Variants in TBC1D5 observed in about 807,000 individuals in gnomAD.
TBC1D5 encodes TBC1 domain family, member 5.
TBC1D5 carries 75 observed loss-of-function variants against 100.3 expected under a neutral mutation model. The ratio of observed to expected loss-of-function variants is 0.75; its 90% CI spans 0.62 to 0.91. TBC1D5 has a LOEUF of 0.91. TBC1D5 is among the 40% of genes least tolerant of loss of function. TBC1D5 has a pLI of 0.00. For missense variants in TBC1D5, 910 were observed against 942.4 expected (o/e 0.97, Z 0.45); for synonymous variants, 323 against 325.6 (o/e 0.99, Z 0.09).
At chr3:17,295,345 C>T (rs1271284843) in intron 14 of TBC1D5, among the ~76,000 whole-genome samples, 1 of 152,186 alleles carries the variant, frequency 6.6e-6, no homozygotes, top group East Asian at 1.9e-4. Context: ...ACTCTATCTA[C>T]AGGGTTTCTG....
At chr3:17,353,935 A>G (rs2090923637) in intron 13 of TBC1D5, among the ~76,000 whole-genome samples, 4 of 152,112 alleles carry the variant, frequency 2.6e-5, no homozygotes, top group Admixed American at 2.0e-4. Flanking sequence ...TTTCCCTCAC[A>G]TATGCTCATA....
At chr3:17,166,968 T>C (rs1559336722) in intron 20 of TBC1D5, 40 bp from the exon 22 acceptor site, 3 of 1,556,940 alleles carry the variant, frequency 1.9e-6, no homozygotes, top group Non-Finnish European at 2.6e-6. Flanking sequence ...AAAAAATGGA[T>C]GAGTTTGTTT....
intron 15 of TBC1D5, 56 bp from the exon 16 acceptor site, chr3:17,258,647 T>C (rs908969929): frequency 2.2e-6 from 3 of 1,361,342 alleles, no homozygotes; most frequent in African/African-American, 2.9e-5. Context: ...CATTAACATA[T>C]AAGAGGACAG....
intron 17 of TBC1D5, among the ~76,000 whole-genome samples, chr3:17,224,664 T>C (rs1422637413): frequency 6.6e-6 from 1 of 152,222 alleles, no homozygotes; most frequent in African/African-American, 2.4e-5. Flanking sequence ...AATAGGGTAA[T>C]GATATGTCTG....
At chr3:17,685,629 C>T (rs2070159568) in intron 1 of TBC1D5, among the ~76,000 whole-genome samples, 1 of 151,970 alleles carries the variant, frequency 6.6e-6, no homozygotes, top group African/African-American at 2.4e-5. Context: ...CATCTCAATA[C>T]ATATGAACAC....
intron 2 of TBC1D5, among the ~76,000 whole-genome samples, chr3:17,567,743 T>G (rs936877874): frequency 6.6e-6 from 1 of 151,704 alleles, no homozygotes; most frequent in Non-Finnish European, 1.5e-5. Context: ...GACATAAATA[T>G]AAAATGTATA....
At chr3:17,515,326 TAAG>T (rs2095970551) in intron 2 of TBC1D5, among the ~76,000 whole-genome samples, 1 of 152,188 alleles carries the variant, frequency 6.6e-6, no homozygotes, top group African/African-American at 2.4e-5. Flanking sequence ...TGGTTTTTAT[TAAG>T]TAGTAGGGCT....
At chr3:17,583,583 C>T (rs1009267012) in intron 2 of TBC1D5, among the ~76,000 whole-genome samples, 1 of 152,036 alleles carries the variant, frequency 6.6e-6, no homozygotes, top group Non-Finnish European at 1.5e-5. Flanking sequence ...AAGAATTAGC[C>T]GGGCATAGTG....
chr3:17,742,030 A>G (rs897377570), upstream of TBC1D5, among the ~76,000 whole-genome samples: 1 of 151,978 alleles, frequency 6.6e-6, no homozygotes, highest in Non-Finnish European at 1.5e-5. Context: ...GAACATGGAA[A>G]TTTACTAAGT....
chr3:17,609,512 G>A (rs541768574), intron 2 of TBC1D5, among the ~76,000 whole-genome samples: 29 of 152,028 alleles, frequency 1.9e-4, no homozygotes, highest in Admixed American at 4.6e-4. Context: ...GTCAGCTTCT[G>A]ACTCTTTTTC....
At chr3:17,412,080 A>C (rs1216962879) in intron 4 of TBC1D5, among the ~76,000 whole-genome samples, 1 of 152,224 alleles carries the variant, frequency 6.6e-6, no homozygotes, top group Non-Finnish European at 1.5e-5. Context: ...TTTAAAACAT[A>C]CAAAGTTAAA....
intron 18 of TBC1D5, among the ~76,000 whole-genome samples, chr3:17,191,648 G>A (rs1359640434): frequency 1.3e-5 from 2 of 151,992 alleles, no homozygotes; most frequent in African/African-American, 2.4e-5. Context: ...ACAGAGTCTC[G>A]CTCTGTTGCC....
At chr3:17,726,728 T>G (rs1395607554) in intron 1 of TBC1D5, among the ~76,000 whole-genome samples, 1 of 152,238 alleles carries the variant, frequency 6.6e-6, no homozygotes, top group African/African-American at 2.4e-5. Flanking sequence ...GAATAAACCT[T>G]TTTAATATAT....
intron 2 of TBC1D5, among the ~76,000 whole-genome samples, chr3:17,591,404 T>C (rs2096771087): frequency 1.3e-5 from 2 of 152,010 alleles, no homozygotes; most frequent in South Asian, 4.2e-4. Flanking sequence ...ATTTATGCAG[T>C]GAATCTTTCT....
chr3:17,687,778 ATC>A (rs1197376691), intron 1 of TBC1D5, among the ~76,000 whole-genome samples: 1 of 152,202 alleles, frequency 6.6e-6, no homozygotes, highest in African/African-American at 2.4e-5. Context: ...TCCACCTTAT[ATC>A]TTATAAACCA....
At chr3:17,247,871 C>A (rs2076866724) in intron 16 of TBC1D5, among the ~76,000 whole-genome samples, 1 of 152,078 alleles carries the variant, frequency 6.6e-6, no homozygotes, top group Non-Finnish European at 1.5e-5. Flanking sequence ...CGTAGGAACT[C>A]TCTTCTTCTA....
intron 14 of TBC1D5, among the ~76,000 whole-genome samples, chr3:17,306,844 C>T (rs2083453809): frequency 6.6e-6 from 1 of 151,934 alleles, no homozygotes; most frequent in African/African-American, 2.4e-5. Context: ...ATCCAGTATC[C>T]ATCAAATCTA....
chr3:17,423,203 C>T (rs370766734), intron 4 of TBC1D5, among the ~76,000 whole-genome samples: 1 of 151,996 alleles, frequency 6.6e-6, no homozygotes, highest in African/African-American at 2.4e-5. Context: ...AAACAAACAA[C>T]AAAACTACAT....
chr3:17,333,797 A>G (rs2087243064), intron 13 of TBC1D5, among the ~76,000 whole-genome samples: 1 of 152,098 alleles, frequency 6.6e-6, no homozygotes, highest in South Asian at 2.1e-4. Context: ...GGGTTGCTAG[A>G]CAGTGCTAAG....
Sources: allele counts gnomAD v4.1 joint callset (sites outside exome capture counted in the v4.1 genomes callset), GRCh38; gene constraint gnomAD v4.1.1; transcripts MANE v1.5; gene names NCBI Gene and HGNC (gene_info 2026-07-23, HGNC 2026-07-21).